The following PACSIN1 variants were observed in gnomAD, a reference collection of about 807,000 sequenced individuals.
PACSIN1 encodes the protein protein kinase C and casein kinase substrate in neurons protein 1.
In PACSIN1, 15 loss-of-function variants were observed where a neutral mutation model predicts 59.5. The ratio of observed to expected loss-of-function variants is 0.25; its 90% CI spans 0.17 to 0.39. PACSIN1 has a LOEUF of 0.39. Ranked by LOEUF, PACSIN1 falls within the 10% of genes least tolerant of loss-of-function variation. The pLI is 1.00. For missense variants in PACSIN1, 420 were observed against 580.2 expected, an observed-to-expected ratio of 0.72 and a Z score of 2.84; for synonymous variants, 210 against 220.6, an observed-to-expected ratio of 0.95 and a Z score of 0.42.
rs1767467376 is a variant in PACSIN1, at chr6:34,525,631, T to C, written c.-63-612T>C. The stretch of plus-strand genomic sequence containing the variant: ...TCCTGACTACTGAGCCATTCTTGCC[T>C]GGGGTAACAGTGAGGCCTGGCTGGG... On this transcript the variant is annotated intron_variant, in intron 1 of 9. Coordinates refer to ENST00000244458, the MANE Select transcript of PACSIN1 (RefSeq NM_020804.5). The surrounding 1 kb of genome is among the most constrained non-coding windows in gnomAD (Gnocchi z 4.9). Among the ~76,000 whole-genome samples, 1 of 152,206 alleles carries C rather than the reference T, an allele frequency of 6.6e-6. No individual in the cohort carries two copies.
At chr6:34,489,138 G>A (rs952202480) in intron 1 of PACSIN1, among the ~76,000 whole-genome samples, 5 of 150,664 alleles carry the variant, frequency 3.3e-5, no homozygotes, top group African/African-American at 1.2e-4. Context: ...CCGAGTTGGT[G>A]CCACTGCTGC....
At chr6:34,487,573 A>T (rs1428762731) in intron 1 of PACSIN1, among the ~76,000 whole-genome samples, 1 of 152,160 alleles carries the variant, frequency 6.6e-6, no homozygotes, top group African/African-American at 2.4e-5. Flanking sequence ...GGATTGAAGG[A>T]TGGAGGACTG....
chr6:34,478,018 G>T (rs1766662315), intron 1 of PACSIN1, among the ~76,000 whole-genome samples: 1 of 149,690 alleles, frequency 6.7e-6, no homozygotes, highest in Non-Finnish European at 1.5e-5. Flanking sequence ...CTCCCAAAGT[G>T]CTGGGATTAC....
intron 1 of PACSIN1, among the ~76,000 whole-genome samples, chr6:34,483,026 C>G (rs372753953): frequency 1.0e-5 from 1 of 96,202 alleles, no homozygotes; most frequent in African/African-American, 4.4e-5. Context: ...TTTTTTGAAA[C>G]AAGGTCTCAC....
intron 1 of PACSIN1, among the ~76,000 whole-genome samples, chr6:34,517,831 C>A (rs536577634): frequency 1.3e-4 from 20 of 152,330 alleles, no homozygotes; most frequent in African/African-American, 3.6e-4. Context: ...TTCTTGCCTG[C>A]TCAGCCTCTC....
chr6:34,478,501 T>G (rs1766672167), intron 1 of PACSIN1, among the ~76,000 whole-genome samples: 1 of 151,170 alleles, frequency 6.6e-6, no homozygotes, highest in Non-Finnish European at 1.5e-5. Flanking sequence ...GGCTCCTGAG[T>G]AGCTGGGATT....
chr6:34,494,732 C>G (rs1287408846), intron 1 of PACSIN1, among the ~76,000 whole-genome samples: 1 of 152,216 alleles, frequency 6.6e-6, no homozygotes, highest in Non-Finnish European at 1.5e-5. Flanking sequence ...CCACCAAGCC[C>G]AGCCACAGCC....
chr6:34,508,105 G>GTTTGTTTGT (rs1554169423), intron 1 of PACSIN1, among the ~76,000 whole-genome samples: 1 of 151,888 alleles, frequency 6.6e-6, no homozygotes, highest in African/African-American at 2.4e-5. Flanking sequence ...TTCTTTTTTT[G>GTTTGTTTGT]TTTGTTTGTT....
At chr6:34,493,444 G>A (rs533331425) in intron 1 of PACSIN1, among the ~76,000 whole-genome samples, 2 of 152,326 alleles carry the variant, frequency 1.3e-5, no homozygotes, top group African/African-American at 2.4e-5. Flanking sequence ...GGAAGTGCTG[G>A]TCTAAGGGAT....
At chr6:34,473,680 C>G (rs902048161) in intron 1 of PACSIN1, among the ~76,000 whole-genome samples, 1 of 152,182 alleles carries the variant, frequency 6.6e-6, no homozygotes, top group African/African-American at 2.4e-5. Context: ...CACTCAACCC[C>G]CTCCCTTGGA....
Position 34,516,313 on chromosome 6 carries a change from G to A in PACSIN1, c.-63-9930G>A, listed in dbSNP as rs1446475518. On this transcript the variant is annotated intron_variant, in intron 1 of 9. Transcript: ENST00000244458. The surrounding 1 kb of genome is among the most constrained non-coding windows in gnomAD (Gnocchi z 5.4). ...CTGCTCATTTCTGCAAACGTTAGAC[G>A]CACATTCACAGAGTGCTGGACTCAG... 6.6e-6 allele frequency among the ~76,000 whole-genome samples: 1 copy of A among 152,182 alleles called. No individual in the cohort carries two copies. Among genetic ancestry groups the A allele is most frequent in the African/African-American group, 2.4e-5 (1 of 41,440 alleles).
rs537464451 is a variant in PACSIN1 at position 34,516,460 on chromosome 6, G to A, written c.-63-9783G>A. 4.6e-5 allele frequency among the ~76,000 whole-genome samples: 7 copies of A among 152,294 alleles called. No homozygotes were observed. Among genetic ancestry groups the A allele is most frequent in the Admixed American group, 6.5e-5 (1 of 15,310 alleles). ...GCCTGCCCCTGCTCCTCCGAACCCCGCACTCTCCTCCTTCCTGACCAGGGT... is the reference window on the plus strand; with the variant it reads ...GCCTGCCCCTGCTCCTCCGAACCCCACACTCTCCTCCTTCCTGACCAGGGT... On this transcript the variant is annotated intron_variant, in intron 1 of 9. Transcript: ENST00000244458. The surrounding 1 kb of genome is among the most constrained non-coding windows in gnomAD (Gnocchi z 5.4).
At position 34,490,556 on chromosome 6, in the gene PACSIN1, G is replaced by A. The variant is rs908987340; in HGVS notation, c.-64+24286G>A. On this transcript the variant is annotated intron_variant, in intron 1 of 9. Coordinates refer to ENST00000244458, the MANE Select transcript of PACSIN1 (RefSeq NM_020804.5). Reference sequence around the variant, plus strand: ...CCTGCCCTTCTGATGACCGAGCGCCGCCACCTGGCCTCTTCCTTCAGGATC... The same window carrying A: ...CCTGCCCTTCTGATGACCGAGCGCCACCACCTGGCCTCTTCCTTCAGGATC... Among the ~76,000 whole-genome samples the A allele has an allele frequency of 1.1e-4, 17 of 152,174 alleles. No individual in the cohort carries two copies. In the East Asian group the frequency reaches 1.7e-3, roughly 16 times the overall value.
chr6:34,483,377 T>A (rs1050746206), intron 1 of PACSIN1, among the ~76,000 whole-genome samples: 3 of 152,164 alleles, frequency 2.0e-5, no homozygotes, highest in Non-Finnish European at 4.4e-5. Flanking sequence ...ACAAAGGACC[T>A]TGGGATGTAG....
In PACSIN1 at chr6:34,515,523, G is replaced by A. The variant is rs1050871793; in HGVS notation, c.-63-10720G>A. Among the ~76,000 whole-genome samples, 5 of 152,108 alleles carry A rather than the reference G, an allele frequency of 3.3e-5. No individual in the cohort carries two copies. Among genetic ancestry groups the A allele is most frequent in the African/African-American group, 7.2e-5 (3 of 41,422 alleles). On this transcript the variant is annotated intron_variant, in intron 1 of 9. Transcript: ENST00000244458. The surrounding 1 kb of genome is among the most constrained non-coding windows in gnomAD (Gnocchi z 4.4). ...ATAAGCAGACTCTCCTCCCACCCCC[G>A]ATGACACCAGAGCCTCCCTGCTGGC...
At position 34,525,698 on chromosome 6, in the gene PACSIN1, G is replaced by A. The variant is rs112796008; in HGVS notation, c.-63-545G>A. On this transcript the variant is annotated intron_variant, in intron 1 of 9. Coordinates refer to ENST00000244458, the MANE Select transcript of PACSIN1 (RefSeq NM_020804.5). This position sits in a 1 kb window ranked among gnomAD's most constrained non-coding sequence, Gnocchi z 4.9. ...GTACCCACCTCGGCCCTGGGGCAGC[G>A]CACGGCCTAGATTGGATAACCCTGA... 9.2e-3 allele frequency among the ~76,000 whole-genome samples: 1,404 copies of A among 152,244 alleles called. 20 individuals are homozygous for A. The highest frequency in any genetic ancestry group is 0.031 in the African/African-American group (1,308 of 41,524).
At chr6:34,502,173 A>T (rs1306193974) in intron 1 of PACSIN1, among the ~76,000 whole-genome samples, 1 of 152,096 alleles carries the variant, frequency 6.6e-6, no homozygotes, top group Non-Finnish European at 1.5e-5. Context: ...TTCCACAGTG[A>T]CACTAGGCTT....
chr6:34,519,141 G>C lies in PACSIN1; in HGVS notation c.-63-7102G>C, dbSNP rs1044315836. On this transcript the variant is annotated intron_variant, in intron 1 of 9. Transcript: ENST00000244458. Reference sequence around the variant, plus strand: ...AGGGGCCAGCCACAGAGGCTGGGGTGCCTGAGGCTGTGTCTGAGGCTCGCC... The same window carrying C: ...AGGGGCCAGCCACAGAGGCTGGGGTCCCTGAGGCTGTGTCTGAGGCTCGCC... 1.2e-4 allele frequency among the ~76,000 whole-genome samples: 18 copies of C among 152,230 alleles called. No individual in the cohort carries two copies. In the East Asian group the frequency reaches 3.3e-3, roughly 28 times the overall value.
intron 1 of PACSIN1, among the ~76,000 whole-genome samples, chr6:34,470,586 C>A (rs1338829200): frequency 2.0e-5 from 3 of 146,624 alleles, no homozygotes; most frequent in Non-Finnish European, 4.5e-5. Flanking sequence ...ACCATCATAG[C>A]TCACTGCAGC....
Sources: gnomAD v4.1 joint callset for allele counts (sites outside exome capture counted in the v4.1 genomes callset) on GRCh38, gnomAD v4.1.1 for gene constraint, Gnocchi (gnomAD v3.1) non-coding constraint, MANE v1.5 for transcripts, NCBI Gene and HGNC (gene_info 2026-07-23, HGNC 2026-07-21) for gene names.